Variants in TOR1AIP2 observed in about 807,000 individuals in gnomAD.
TOR1AIP2 encodes torsin 1A interacting protein 2, also known as torsin-1A-interacting protein 2.
A neutral mutation model predicts 32.6 loss-of-function variants in TOR1AIP2; 20 were observed. The observed-to-expected ratio is 0.61, with a 90% CI of 0.43 to 0.89. The LOEUF is 0.89. TOR1AIP2 is among the 40% of genes least tolerant of loss of function. The pLI is 0.00. For missense variants in TOR1AIP2, 456 were observed against 553.8 expected (o/e 0.82, Z 1.77); for synonymous variants, 214 against 210.8 (o/e 1.02, Z -0.13).
Position 179,851,251 on chromosome 1 carries a change from A to C in TOR1AIP2, c.147T>G (p.Leu49=), listed in dbSNP as rs1390393731. 2 of 1,612,850 alleles carry C rather than the reference A, an allele frequency of 1.2e-6. No individual in the cohort carries two copies. Among genetic ancestry groups the C allele is most frequent in the South Asian group, 2.2e-5 (2 of 91,074 alleles). Reference sequence around the variant, plus strand: ...TCTCTACCTCTTGGTGGTCTTTGCTAAGACCACAGGCAGAGTGTAGGATCT... The same window carrying C: ...TCTCTACCTCTTGGTGGTCTTTGCTCAGACCACAGGCAGAGTGTAGGATCT... ...EAEILHSACG[L]SKDHQEVETE... is the part of the protein sequence containing the mutation. Residue 49 remains leucine, a synonymous_variant, in exon 5 of 7, where the codon CTT becomes CTG. Coordinates refer to ENST00000609928, the MANE Select transcript of TOR1AIP2 (RefSeq NM_001199260.2).
Position 179,852,818 on chromosome 1 carries a change from C to A in TOR1AIP2, c.-146-7G>T, listed in dbSNP as rs1469505833. On this transcript the variant is annotated splice_region_variant and splice_polypyrimidine_tract_variant and intron_variant, in intron 3 of 6. Transcript: ENST00000609928. The stretch of plus-strand genomic sequence containing the variant: ...TAAGGCATATATACAGTGACTAAAA[C>A]AAAATGAAAAAAAATTAAATGACTT... The A allele has an allele frequency of 7.2e-6, 10 of 1,396,572 alleles. No individual in the cohort carries two copies. Among genetic ancestry groups the A allele is most frequent in the Admixed American group, 2.9e-5 (1 of 34,888 alleles). 86.5% of individuals were successfully genotyped at this position (1,396,572 alleles called of 1,614,324 possible).
At chr1:179,861,742 G>T (rs991290885) in intron 3 of TOR1AIP2, 1 of 985,346 alleles carries the variant, frequency 1.0e-6, no homozygotes, top group Non-Finnish European at 1.2e-6. Context: ...TGAGTATTCT[G>T]CTCCCATCCT....
Position 179,841,469 on chromosome 1 carries a change from T to C in TOR1AIP2, c.*4602A>G, listed in dbSNP as rs1695715416. On this transcript the variant is annotated 3_prime_UTR_variant, in exon 7 of 7. Transcript: ENST00000609928. ...TAAAGGAAAGGCTTCATGTTGCTAT[T>C]TGAAAGTACTTCTCAACTAGCCGGG... 6.6e-6 allele frequency: 1 copy of C among 152,230 alleles called. No individual in the cohort carries two copies. The highest frequency in any genetic ancestry group is 1.5e-5 in the Non-Finnish European group (1 of 68,046). The allele number at this position is 152,230 out of a possible 1,614,324, so 9.4% of individuals were successfully genotyped here. A position where few individuals can be genotyped will look rare whatever the true frequency, so the allele number is the denominator to read the frequency against.
Position 179,842,801 on chromosome 1 carries a change from T to C in TOR1AIP2, c.*3270A>G, listed in dbSNP as rs6659939. The C allele has an allele frequency of 0.13, 19,294 of 152,170 alleles. 1,279 individuals carry two copies. The highest frequency in any genetic ancestry group is 0.19 in the Middle Eastern group (57 of 294). 9.4% of individuals were successfully genotyped at this position (152,170 alleles called of 1,614,324 possible). A position where few individuals can be genotyped will look rare whatever the true frequency, so the allele number is the denominator to read the frequency against. ...GGCTCACGCCTGTAATCCCAGCACTTTGGGAGGCCAAAGCGGGCGGATCAC... is the reference window on the plus strand; with the variant it reads ...GGCTCACGCCTGTAATCCCAGCACTCTGGGAGGCCAAAGCGGGCGGATCAC... On this transcript the variant is annotated 3_prime_UTR_variant, in exon 7 of 7. Transcript: ENST00000609928.
intron 3 of TOR1AIP2, chr1:179,858,891 T>C: frequency 2.4e-6 from 1 of 423,774 alleles, no homozygotes; most frequent in Non-Finnish European, 3.2e-6. Flanking sequence ...AGGGTAGGTA[T>C]CAGGAAGTAC....
In TOR1AIP2 at chr1:179,877,724, G is replaced by C. The variant is rs1196347399; in HGVS notation, c.-732C>G. On this transcript the variant is annotated 5_prime_UTR_variant, in exon 1 of 7. Coordinates refer to ENST00000609928, the MANE Select transcript of TOR1AIP2 (RefSeq NM_001199260.2). ...TGGCGAAGTTTTAAATCGTAAAACT[G>C]TTAGTATCAGGAGAGCCCTTCGAGT... The C allele has an allele frequency of 6.6e-6, 1 of 152,180 alleles. No individual in the cohort carries two copies. Among genetic ancestry groups the C allele is most frequent in the Non-Finnish European group, 1.5e-5 (1 of 68,034 alleles). 9.4% of individuals were successfully genotyped at this position (152,180 alleles called of 1,614,324 possible). A position where few individuals can be genotyped will look rare whatever the true frequency, so the allele number is the denominator to read the frequency against.
intron 3 of TOR1AIP2, chr1:179,862,911 G>A (rs1301029931): frequency 7.1e-6 from 1 of 141,350 alleles, no homozygotes; most frequent in Non-Finnish European, 1.5e-5. Flanking sequence ...CTGGGCAAGA[G>A]AGCGAGACTC....
In TOR1AIP2 at chr1:179,845,962, A is replaced by T; in HGVS notation, c.*109T>A. 1 of 967,042 alleles carries T rather than the reference A, an allele frequency of 1.0e-6. No individual in the cohort carries two copies. Among genetic ancestry groups the T allele is most frequent in the Non-Finnish European group, 1.5e-6 (1 of 658,812 alleles). 59.9% of individuals were successfully genotyped at this position (967,042 alleles called of 1,614,324 possible). On this transcript the variant is annotated 3_prime_UTR_variant, in exon 7 of 7. Transcript: ENST00000609928. ...TAAAATAAGCTCATCTTTGTTTTTC[A>T]GGCTATTTCCTCAAGCTATTTTATC...
intron 3 of TOR1AIP2, among the ~76,000 whole-genome samples, chr1:179,858,455 T>C (rs1001615934): frequency 6.6e-6 from 1 of 152,054 alleles, no homozygotes; most frequent in Non-Finnish European, 1.5e-5. Flanking sequence ...ACATCTGAGG[T>C]AAATGGGATA....
At chr1:179,857,264 T>G (rs1696338416) in intron 3 of TOR1AIP2, among the ~76,000 whole-genome samples, 1 of 152,254 alleles carries the variant, frequency 6.6e-6, no homozygotes, top group Admixed American at 6.5e-5. Context: ...AAATGTAGTC[T>G]CATTGCTGAC....
intron 3 of TOR1AIP2, among the ~76,000 whole-genome samples, chr1:179,857,892 T>C (rs542238718): frequency 7.2e-5 from 11 of 152,298 alleles, no homozygotes; most frequent in African/African-American, 2.6e-4. Flanking sequence ...TATTAACTCA[T>C]TTAACCTTCA....
chr1:179,865,337 T>C, intron 3 of TOR1AIP2, 99 bp downstream of exon 3: 1 of 868,354 alleles, frequency 1.2e-6, no homozygotes, highest in Non-Finnish European at 1.7e-6. Context: ...TGCACCTCCG[T>C]GCAATTCTTC....
intron 3 of TOR1AIP2, chr1:179,864,207 C>T: frequency 1.0e-6 from 1 of 985,440 alleles, no homozygotes. Flanking sequence ...CTCACAGCCA[C>T]ACTGAGGATG....
chr1:179,856,015 C>CA lies in TOR1AIP2; in HGVS notation c.-146-3205dup, dbSNP rs113000568. 1.8e-4 allele frequency among the ~76,000 whole-genome samples: 26 copies of CA among 146,830 alleles called. No individual in the cohort carries two copies. The South Asian group carries it at 2.6e-3, about 15-fold the overall frequency. ...ACAACATGGTGAAACCTCATCTCTA[C>CA]AAAAAAAAAATACAAAAACTAGCCA... On this transcript the variant is annotated intron_variant, in intron 3 of 6. Coordinates refer to ENST00000609928, the MANE Select transcript of TOR1AIP2 (RefSeq NM_001199260.2).
rs1171986747 is a variant in TOR1AIP2, at chr1:179,843,510, CAAAAAA to C, written c.*2555_*2560del. ...TGGGTGACAGAGCAAGACCTTCTCT[CAAAAAA>C]AAAAAAAAAAAAAAAAGAAGTTTGG... is the stretch of plus-strand genomic sequence containing the variant. On this transcript the variant is annotated 3_prime_UTR_variant, in exon 7 of 7. Coordinates refer to ENST00000609928, the MANE Select transcript of TOR1AIP2 (RefSeq NM_001199260.2). 2.8e-5 allele frequency: 2 copies of C among 71,926 alleles called. No homozygotes were observed. The highest frequency in any genetic ancestry group is 2.7e-5 in the Non-Finnish European group (1 of 36,780). The allele number at this position is 71,926 out of a possible 1,614,324, so 4.5% of individuals were successfully genotyped here.
In TOR1AIP2 at chr1:179,850,132, A is replaced by C. The variant is rs1408464238; in HGVS notation, c.553+713T>G. On this transcript the variant is annotated intron_variant, in intron 5 of 6. Coordinates refer to ENST00000609928, the MANE Select transcript of TOR1AIP2 (RefSeq NM_001199260.2). ...AGGTGAAAGTTAGAAGAATGTTTGG[A>C]TATCATCTTGTCCAACTTCTTCATT... is the stretch of plus-strand genomic sequence containing the variant. Among the ~76,000 whole-genome samples the C allele has an allele frequency of 1.5e-3, 221 of 152,316 alleles. 1 individual carries two copies. The highest frequency in any genetic ancestry group is 5.2e-3 in the African/African-American group (217 of 41,538).
intron 2 of TOR1AIP2, chr1:179,868,263 A>G (rs1194273195): frequency 6.6e-6 from 1 of 152,032 alleles, no homozygotes; most frequent in Non-Finnish European, 1.5e-5. Flanking sequence ...GGCTTGCTTT[A>G]TTTTTTTCAC....
chr1:179,844,746 A>ACCATTCTTG lies in TOR1AIP2; in HGVS notation c.*1324_*1325insCAAGAATGG, dbSNP rs1695838859. 6.6e-6 allele frequency: 1 copy of ACCATTCTTG among 152,210 alleles called. No individual in the cohort carries two copies. The highest frequency in any genetic ancestry group is 1.5e-5 in the Non-Finnish European group (1 of 68,026). 9.4% of individuals were successfully genotyped at this position (152,210 alleles called of 1,614,324 possible). ...ATTTTTAACCTAATGGTACTTCTATAACTAGTTGGTCAAGAAATGAGCTGC... is the reference window on the plus strand; with the variant it reads ...ATTTTTAACCTAATGGTACTTCTATACCATTCTTGACTAGTTGGTCAAGAAATGAGCTGC... On this transcript the variant is annotated 3_prime_UTR_variant, in exon 7 of 7. Coordinates refer to ENST00000609928, the MANE Select transcript of TOR1AIP2 (RefSeq NM_001199260.2).
chr1:179,855,969 A>G (rs935058130), intron 3 of TOR1AIP2, among the ~76,000 whole-genome samples: 2 of 152,126 alleles, frequency 1.3e-5, no homozygotes, highest in Non-Finnish European at 2.9e-5. Flanking sequence ...GGTTGAGCTT[A>G]GGAGTTTAAG....
Sources: gnomAD v4.1 joint callset for allele counts (sites outside exome capture counted in the v4.1 genomes callset) on GRCh38, gnomAD v4.1.1 for gene constraint, MANE v1.5 for transcripts, NCBI Gene and HGNC (gene_info 2026-07-23, HGNC 2026-07-21) for gene names.